The following NCAM1 variants were observed in gnomAD, a reference collection of about 807,000 sequenced individuals.
NCAM1 encodes neural cell adhesion molecule 1.
NCAM1 carries 14 observed loss-of-function variants against 109.8 expected under a neutral mutation model. The ratio of observed to expected loss-of-function variants is 0.13; its 90% CI spans 0.08 to 0.20. The LOEUF is 0.20. NCAM1 is among the 10% of genes least tolerant of loss of function. The pLI, the probability that NCAM1 is intolerant of heterozygous loss-of-function variation, is 1.00. For synonymous variants in NCAM1, 418 were observed against 442.9 expected (o/e 0.94, Z 0.70); for missense variants, 774 against 1,109.9 (o/e 0.70, Z 4.30).
intron 9 of NCAM1, among the ~76,000 whole-genome samples, chr11:113,227,619 G>C (rs1363296786): frequency 1.3e-5 from 2 of 152,144 alleles, no homozygotes; most frequent in Admixed American, 6.5e-5. Flanking sequence ...GCCTGGCAGA[G>C]ACACAACAGA....
chr11:113,179,365 G>C (rs982379445), intron 1 of NCAM1, among the ~76,000 whole-genome samples: 1 of 152,168 alleles, frequency 6.6e-6, no homozygotes, highest in Non-Finnish European at 1.5e-5. Flanking sequence ...CCATTTTCAG[G>C]GTTTGTTTAA....
chr11:113,115,385 ATG>A (rs782761990), intron 1 of NCAM1, among the ~76,000 whole-genome samples: 5 of 152,184 alleles, frequency 3.3e-5, no homozygotes, highest in Admixed American at 6.5e-5. Flanking sequence ...AGAGTTACTA[ATG>A]TGTGAGCTGT....
intron 1 of NCAM1, among the ~76,000 whole-genome samples, chr11:113,038,324 T>C (rs369761920): frequency 2.0e-5 from 3 of 152,324 alleles, no homozygotes; most frequent in African/African-American, 7.2e-5. Context: ...GCAGAATCCC[T>C]TCATCATCTT....
At chr11:113,247,921 G>C (rs1405052565) in intron 15 of NCAM1, among the ~76,000 whole-genome samples, 1 of 152,192 alleles carries the variant, frequency 6.6e-6, no homozygotes, top group Non-Finnish European at 1.5e-5. Flanking sequence ...TTCAGTAGCT[G>C]ATGTTCTGGA....
chr11:113,142,149 C>T (rs771072046), intron 1 of NCAM1, among the ~76,000 whole-genome samples: 8 of 152,200 alleles, frequency 5.3e-5, no homozygotes, highest in Non-Finnish European at 1.2e-4. Flanking sequence ...GTACTAGGCT[C>T]TTTACAAATG....
At chr11:113,213,930 A>G (rs782230057) in intron 7 of NCAM1, among the ~76,000 whole-genome samples, 1 of 152,206 alleles carries the variant, frequency 6.6e-6, no homozygotes, top group African/African-American at 2.4e-5. Context: ...CCTGTGCCTC[A>G]TGCCACACTG....
chr11:113,236,228 A>G, intron 14 of NCAM1: 1 of 1,484,806 alleles, frequency 6.7e-7, no homozygotes, highest in Non-Finnish European at 9.3e-7. Context: ...TTTCTTTTAC[A>G]TCTTATTTTT....
intron 1 of NCAM1, among the ~76,000 whole-genome samples, chr11:113,032,857 A>C (rs1371894607): frequency 6.6e-6 from 1 of 152,196 alleles, no homozygotes; most frequent in East Asian, 1.9e-4. Context: ...ATTTCAACAG[A>C]GTCTTTTCCA....
At chr11:113,032,090 C>G (rs1212966543) in intron 1 of NCAM1, among the ~76,000 whole-genome samples, 2 of 152,098 alleles carry the variant, frequency 1.3e-5, no homozygotes, top group African/African-American at 4.8e-5. Context: ...CACAGATGTG[C>G]CACCACATCC....
In NCAM1 at chr11:113,152,438, G is replaced by T. The variant is rs375138027; in HGVS notation, c.53-49941G>T. On this transcript the variant is annotated intron_variant, in intron 1 of 19. Coordinates refer to ENST00000316851, the MANE Select transcript of NCAM1 (RefSeq NM_181351.5). ...AAGCCAATATATGAAACAAATCAGT[G>T]TAATATGCTCTAAAAATATCCATGT... Among the ~76,000 whole-genome samples the T allele has an allele frequency of 1.1e-4, 16 of 152,352 alleles. No individual in the cohort carries two copies. The East Asian group carries it at 3.1e-3, about 29-fold the overall frequency.
intron 1 of NCAM1, among the ~76,000 whole-genome samples, chr11:113,124,209 T>C (rs1565450061): frequency 6.6e-6 from 1 of 152,226 alleles, no homozygotes. Context: ...TTGTCTTCTC[T>C]AGACTGAGAA....
At chr11:113,207,444 C>A in intron 6 of NCAM1, 66 bp downstream of exon 6, 1 of 1,305,004 alleles carries the variant, frequency 7.7e-7, no homozygotes, top group Non-Finnish European at 1.1e-6. Flanking sequence ...AAGTCTGCTC[C>A]ATGTTAGTGT....
intron 1 of NCAM1, among the ~76,000 whole-genome samples, chr11:113,136,147 G>A (rs191655119): frequency 6.6e-6 from 1 of 152,206 alleles, no homozygotes; most frequent in African/African-American, 2.4e-5. Context: ...ACGAGATCCT[G>A]TCTGTAATTT....
intron 1 of NCAM1, among the ~76,000 whole-genome samples, chr11:113,028,400 G>A (rs1474309617): frequency 1.3e-5 from 2 of 152,088 alleles, no homozygotes; most frequent in African/African-American, 2.4e-5. Context: ...GGTATCAGAG[G>A]ACATGAATCA....
At chr11:113,127,090 A>C (rs1471819880) in intron 1 of NCAM1, among the ~76,000 whole-genome samples, 1 of 152,150 alleles carries the variant, frequency 6.6e-6, no homozygotes, top group Non-Finnish European at 1.5e-5. Flanking sequence ...TGAACAACAC[A>C]TTGTCCCTGT....
chr11:113,200,536 A>G (rs1555111658), intron 1 of NCAM1, among the ~76,000 whole-genome samples: 1 of 152,096 alleles, frequency 6.6e-6, no homozygotes, highest in Non-Finnish European at 1.5e-5. Flanking sequence ...TGGAAAGATC[A>G]CCTACCCGGA....
At chr11:113,202,796 A>G (rs1248947007) in intron 2 of NCAM1, among the ~76,000 whole-genome samples, 1 of 152,240 alleles carries the variant, frequency 6.6e-6, no homozygotes, top group Non-Finnish European at 1.5e-5. Context: ...ACAATGGAGA[A>G]CAGCACTGGC....
chr11:113,020,471 G>A (rs970412094), intron 1 of NCAM1, among the ~76,000 whole-genome samples: 1 of 152,056 alleles, frequency 6.6e-6, no homozygotes, highest in African/African-American at 2.4e-5. Context: ...CACAGACAAC[G>A]ATCTCTTGCA....
At chr11:113,165,413 G>C (rs2136395794) in intron 1 of NCAM1, among the ~76,000 whole-genome samples, 1 of 152,264 alleles carries the variant, frequency 6.6e-6, no homozygotes, top group Non-Finnish European at 1.5e-5. Flanking sequence ...AGTCTGTTTT[G>C]ATTCAGCCTC....
Sources: gnomAD v4.1 joint callset for allele counts (sites outside exome capture counted in the v4.1 genomes callset) on GRCh38, gnomAD v4.1.1 for gene constraint, MANE v1.5 for transcripts, NCBI Gene and HGNC (gene_info 2026-07-23, HGNC 2026-07-21) for gene names.